ACAD8: variants seen among roughly 807,000 people sequenced by gnomAD.
ACAD8 encodes acyl-CoA dehydrogenase family member 8.
ACAD8 carries 47 observed loss-of-function variants against 53.1 expected under a neutral mutation model. The observed-to-expected ratio is 0.89, with a 90% CI of 0.70 to 1.13. ACAD8 has a LOEUF of 1.13. Ranked by LOEUF, ACAD8 falls within the 50% of genes most tolerant of loss-of-function variation. The probability of loss-of-function intolerance (pLI) is 0.00; values close to 1 mark genes in which losing one functional copy is unlikely to be tolerated. For missense variants in ACAD8, 494 were observed against 535.0 expected, an observed-to-expected ratio of 0.92 and a Z score of 0.76; for synonymous variants, 198 against 201.3, an observed-to-expected ratio of 0.98 and a Z score of 0.14.
chr11:134,263,405 A>T (rs548652415), intron 10 of ACAD8: 17 of 986,152 alleles, frequency 1.7e-5, no homozygotes, highest in Non-Finnish European at 1.9e-5. Flanking sequence ...GCGGGCCTCA[A>T]CCCCAGAGCT....
Position 134,258,548 on chromosome 11 carries a change from TGAG to T in ACAD8, c.417_419del (p.Glu140del). On this transcript the variant is annotated inframe_deletion, in exon 4 of 11. Transcript: ENST00000281182. ...CCTGGATGATTGATAGCTTCGGAAA[TGAG>T]GAACAGAGGCACAAATTTTGCCCAC... The T allele has an allele frequency of 3.1e-6, 5 of 1,614,018 alleles. No individual in the cohort carries two copies. Among genetic ancestry groups the T allele is most frequent in the Non-Finnish European group, 4.2e-6 (5 of 1,179,948 alleles).
intron 3 of ACAD8, among the ~76,000 whole-genome samples, chr11:134,257,466 G>GT (rs1939606263): frequency 6.6e-6 from 1 of 152,140 alleles, no homozygotes; most frequent in African/African-American, 2.4e-5. Context: ...GAGGTCAGGA[G>GT]TTTGAGACCA....
intron 1 of ACAD8, among the ~76,000 whole-genome samples, chr11:134,255,217 A>C (rs756895625): frequency 4.9e-4 from 74 of 152,166 alleles, no homozygotes; most frequent in Admixed American, 7.9e-4. Flanking sequence ...ACTCACCGCA[A>C]CCTCTGCCCC....
Position 134,261,678 on chromosome 11 carries a change from G to A in ACAD8, c.940-60G>A. 1 of 1,608,352 alleles carries A rather than the reference G, an allele frequency of 6.2e-7. No individual in the cohort carries two copies. Among genetic ancestry groups the A allele is most frequent in the Non-Finnish European group, 8.5e-7 (1 of 1,179,796 alleles). On this transcript the variant is annotated intron_variant, in intron 8 of 10. Coordinates refer to ENST00000281182, the MANE Select transcript of ACAD8 (RefSeq NM_014384.3). The surrounding 1 kb of genome is among the most constrained non-coding windows in gnomAD (Gnocchi z 4.2). Reference sequence around the variant, plus strand: ...TCCGAGATGTCTTACCGAGGCTCCTGCACCAGGTGCTGGTCTAAGCCCCTC... The same window carrying A: ...TCCGAGATGTCTTACCGAGGCTCCTACACCAGGTGCTGGTCTAAGCCCCTC...
intron 1 of ACAD8, among the ~76,000 whole-genome samples, chr11:134,254,719 A>G (rs1018879797): frequency 6.6e-6 from 1 of 152,196 alleles, no homozygotes; most frequent in Non-Finnish European, 1.5e-5. Context: ...GGGTTTTGTT[A>G]TTGTTTGCAT....
chr11:134,258,894 A>C (rs1277502572), intron 4 of ACAD8, 114 bp from the exon 5 acceptor site: 2 of 986,622 alleles, frequency 2.0e-6, no homozygotes, highest in East Asian at 2.4e-5. Flanking sequence ...GCAGTGACAC[A>C]CTCTGAGCAG....
chr11:134,261,468 T>C lies in ACAD8; in HGVS notation c.939+96T>C. 6.5e-7 allele frequency: 1 copy of C among 1,527,264 alleles called. No individual in the cohort carries two copies. The highest frequency in any genetic ancestry group is 9.0e-7 in the Non-Finnish European group (1 of 1,106,660). The allele number at this position is 1,527,264 out of a possible 1,614,324, so 94.6% of individuals were successfully genotyped here. A position where few individuals can be genotyped will look rare whatever the true frequency, so the allele number is the denominator to read the frequency against. On this transcript the variant is annotated intron_variant, in intron 8 of 10. Transcript: ENST00000281182. This position sits in a 1 kb window ranked among gnomAD's most constrained non-coding sequence, Gnocchi z 4.2. ...TCCAGGAGAGAAGCCAGGAAATTCCTCTGTCAGTCCCACCACTGTCCTAGC... is the reference window on the plus strand; with the variant it reads ...TCCAGGAGAGAAGCCAGGAAATTCCCCTGTCAGTCCCACCACTGTCCTAGC...
Position 134,261,316 on chromosome 11 carries a change from A to G in ACAD8, c.883A>G (p.Thr295Ala). The change falls in exon 8 of 11, where the codon ACC becomes GCC. Residue 295 changes from threonine (T) to alanine (A), a missense_variant. Transcript: ENST00000281182. The surrounding 1 kb of genome is among the most constrained non-coding windows in gnomAD (Gnocchi z 4.2). ...GGCTGCCCACGCCTCTGTCATCCTC[A>G]CCCGAGACCACCTCAATGTCCGGAA... ...LGAAHASVILTRDHLNVRKQF... is the reference protein window; with the variant it reads ...LGAAHASVILARDHLNVRKQF... 1 of 1,613,544 alleles carries G rather than the reference A, an allele frequency of 6.2e-7. No individual in the cohort carries two copies. The highest frequency in any genetic ancestry group is 1.3e-5 in the African/African-American group (1 of 74,802).
intron 1 of ACAD8, 62 bp downstream of exon 1, chr11:134,253,771 G>A: frequency 6.8e-7 from 1 of 1,468,552 alleles, no homozygotes; most frequent in Non-Finnish European, 9.3e-7. Context: ...ATATGTCCGC[G>A]AGGGGCTGCA....
At chr11:134,259,254 C>T in intron 5 of ACAD8, 170 bp downstream of exon 5, 1 of 729,496 alleles carries the variant, frequency 1.4e-6, no homozygotes, top group Non-Finnish European at 2.4e-6. Flanking sequence ...TGTATCTCTC[C>T]TAATCTGATT....
Position 134,261,152 on chromosome 11 carries a change from G to A in ACAD8, c.814G>A (p.Gly272Arg), listed in dbSNP as rs750643088. The change falls in exon 7 of 11, where the codon GGA becomes AGA. Residue 272 changes from glycine (G) to arginine (R), a missense_variant. Transcript: ENST00000281182. The surrounding 1 kb of genome is among the most constrained non-coding windows in gnomAD (Gnocchi z 4.2). ...EGQGFLIAVR[G>R]LNGGRINIAS... is the part of the protein sequence containing the mutation. Reference sequence around the variant, plus strand: ...GCAGGGCTTCCTCATTGCCGTGAGAGGACTGAACGGAGGGAGGATCAATAT... The same window carrying A: ...GCAGGGCTTCCTCATTGCCGTGAGAAGACTGAACGGAGGGAGGATCAATAT... 1.2e-6 allele frequency: 2 copies of A among 1,612,872 alleles called. No individual in the cohort carries two copies. The highest frequency in any genetic ancestry group is 1.1e-5 in the South Asian group (1 of 90,654).
chr11:134,261,847 T>C lies in ACAD8; in HGVS notation c.1049T>C (p.Leu350Ser). Residue 350 changes from leucine to serine, a missense_variant, in exon 9 of 11, where the codon TTG becomes TCG. By Grantham distance (145) the Leu-to-Ser change is moderately radical (BLOSUM62 -2). Coordinates refer to ENST00000281182, the MANE Select transcript of ACAD8 (RefSeq NM_014384.3). This position sits in a 1 kb window ranked among gnomAD's most constrained non-coding sequence, Gnocchi z 4.2. ...LQEERKDAVA[L>S]CSMAKLFATD... ...GAGGAGAGGAAGGATGCAGTGGCCT[T>C]GTGCTCCATGGCCAAGCTCTTTGCT... 6.2e-7 allele frequency: 1 copy of C among 1,614,172 alleles called. No individual in the cohort carries two copies. Among genetic ancestry groups the C allele is most frequent in the Non-Finnish European group, 8.5e-7 (1 of 1,180,034 alleles).
chr11:134,261,078 T>C lies in ACAD8; in HGVS notation c.740T>C (p.Ile247Thr), dbSNP rs1234707832. Residue 247 changes from isoleucine (I) to threonine (T), a missense_variant, in exon 7 of 11, where the codon ATC becomes ACC. Ile to Thr is a moderately conservative substitution (Grantham distance 89, BLOSUM62 -1). Coordinates refer to ENST00000281182, the MANE Select transcript of ACAD8 (RefSeq NM_014384.3). This position sits in a 1 kb window ranked among gnomAD's most constrained non-coding sequence, Gnocchi z 4.2. ...GWNSQPTRAV[I>T]FEDCAVPVAN... ...AACTCCCAGCCAACACGAGCTGTGA[T>C]CTTCGAAGACTGTGCTGTCCCTGTG... 36 of 1,612,394 alleles carry C rather than the reference T, an allele frequency of 2.2e-5. No individual in the cohort carries two copies. The highest frequency in any genetic ancestry group is 2.9e-5 in the Non-Finnish European group (34 of 1,179,418).
At chr11:134,263,201 T>C (rs1318611907) in intron 10 of ACAD8, 2 of 1,018,462 alleles carry the variant, frequency 2.0e-6, no homozygotes, top group African/African-American at 3.5e-5. Flanking sequence ...CTACAGCCAG[T>C]GCGGAAGTCT....
At chr11:134,260,067 C>T (rs751055019) in intron 6 of ACAD8, 89 of 1,211,878 alleles carry the variant, frequency 7.3e-5, no homozygotes, top group African/African-American at 1.1e-4. Context: ...CAGGAAGAGA[C>T]GCTTAGAGAA....
At chr11:134,259,837 A>G (rs1418627599) in intron 6 of ACAD8, 92 bp downstream of exon 6, 3 of 1,598,850 alleles carry the variant, frequency 1.9e-6, no homozygotes, top group Non-Finnish European at 8.5e-7. Flanking sequence ...ACAGGTTTGC[A>G]TACTTGCTAA....
chr11:134,257,005 C>T, intron 2 of ACAD8, 83 bp from the exon 3 acceptor site: 2 of 1,428,408 alleles, frequency 1.4e-6, no homozygotes, highest in Non-Finnish European at 2.0e-6. Flanking sequence ...CATGTGCAAG[C>T]CTCCTAATCC....
intron 2 of ACAD8, 188 bp downstream of exon 2, chr11:134,256,836 T>A (rs779123475): frequency 1.0e-5 from 7 of 673,654 alleles, no homozygotes; most frequent in Non-Finnish European, 1.2e-5. Flanking sequence ...AACTTTTTTT[T>A]TGTTAGTTGA....
rs755789341 is a variant in ACAD8, at chr11:134,253,610, A to G, written c.10A>G (p.Ser4Gly). Residue 4 changes from serine to glycine, a missense_variant, in exon 1 of 11, where the codon AGC becomes GGC. Ser to Gly is a moderately conservative substitution (Grantham distance 56). Coordinates refer to ENST00000281182, the MANE Select transcript of ACAD8 (RefSeq NM_014384.3). MLW[S>G]GCRRFGARLG... The stretch of plus-strand genomic sequence containing the variant: ...CGGAGCTGCGGCGGCTATGCTGTGG[A>G]GCGGCTGCCGGCGTTTCGGGGCGCG... The G allele has an allele frequency of 6.3e-7, 1 of 1,579,720 alleles. No homozygotes were observed. Among genetic ancestry groups the G allele is most frequent in the South Asian group, 1.1e-5 (1 of 87,344 alleles).
Sources: gnomAD v4.1 joint callset for allele counts (sites outside exome capture counted in the v4.1 genomes callset) on GRCh38, gnomAD v4.1.1 for gene constraint, Gnocchi (gnomAD v3.1) non-coding constraint, MANE v1.5 for transcripts, NCBI Gene and HGNC (gene_info 2026-07-23, HGNC 2026-07-21) for gene names.